The following SAPCD2 variants were observed in gnomAD, a reference collection of about 807,000 sequenced individuals.
SAPCD2 encodes the protein suppressor APC domain-containing protein 2.
Under a neutral mutation model 37.8 loss-of-function variants are expected in SAPCD2, and 34 were observed. That is an observed-to-expected ratio of 0.90 (90% confidence interval 0.68 to 1.20). SAPCD2 has a LOEUF of 1.20. SAPCD2 is among the 50% of genes most tolerant of loss of function. The probability of loss-of-function intolerance (pLI) is 0.00; values close to 1 mark genes in which losing one functional copy is unlikely to be tolerated. For missense variants in SAPCD2, 572 were observed against 584.7 expected, an observed-to-expected ratio of 0.98 and a Z score of 0.22; for synonymous variants, 275 against 270.3, an observed-to-expected ratio of 1.02 and a Z score of -0.17.
intron 1 of SAPCD2, among the ~76,000 whole-genome samples, chr9:137,067,774 CAAAAAAAA>C (rs36035728): frequency 4.5e-4 from 20 of 44,678 alleles, no homozygotes; most frequent in South Asian, 1.4e-3. Flanking sequence ...GACTCCATCT[CAAAAAAAA>C]AAAAAAAAAA....
In SAPCD2 at chr9:137,070,529, C is replaced by G. The variant is rs965356311; in HGVS notation, c.-69G>C. ...GCGCGGCCCCACGGAGGGGCCGGCC[C>G]GGCGAGCTCAGCCCACGGCGACAAT... On this transcript the variant is annotated 5_prime_UTR_variant, in exon 1 of 6. Transcript: ENST00000409687. The G allele has an allele frequency of 9.7e-7, 1 of 1,031,022 alleles. No individual in the cohort carries two copies. The highest frequency in any genetic ancestry group is 3.6e-5 in the East Asian group (1 of 27,556). The allele number at this position is 1,031,022 out of a possible 1,614,324, so 63.9% of individuals were successfully genotyped here.
Position 137,065,545 on chromosome 9 carries a change from G to T in SAPCD2, c.808C>A (p.Leu270Met). The change falls in exon 3 of 6, where the codon CTG (leucine) becomes ATG (methionine). Residue 270 changes from leucine to methionine, a missense_variant. Physicochemically the swap from Leu to Met is conservative, Grantham distance 15. Transcript: ENST00000409687. The stretch of plus-strand genomic sequence containing the variant: ...ACGGCGCTGGCTCTGCTCTGGCCCA[G>T]GCGGCGCTGGCGCTCCTGCACTCGT... ...LQRVQERQRR[L>M]GQSRASADFG... is the part of the protein sequence containing the mutation. 1 of 1,606,268 alleles carries T rather than the reference G, an allele frequency of 6.2e-7. No individual in the cohort carries two copies. The highest frequency in any genetic ancestry group is 8.5e-7 in the Non-Finnish European group (1 of 1,175,934).
intron 1 of SAPCD2, among the ~76,000 whole-genome samples, chr9:137,067,535 G>C (rs1203994124): frequency 1.3e-5 from 2 of 150,664 alleles, no homozygotes; most frequent in Non-Finnish European, 3.0e-5. Context: ...ACTTTGGGAA[G>C]CTGGGGCGGG....
At chr9:137,065,409 G>T in intron 3 of SAPCD2, 113 bp downstream of exon 3, 1 of 1,302,354 alleles carries the variant, frequency 7.7e-7, no homozygotes, top group Non-Finnish European at 1.0e-6. Context: ...CATCCTGGGT[G>T]GAATCGACAG....
chr9:137,064,994 G>C lies in SAPCD2; in HGVS notation c.940-15C>G, dbSNP rs1245807752. On this transcript the variant is annotated splice_polypyrimidine_tract_variant and intron_variant, in intron 4 of 5. Transcript: ENST00000409687. ...GGGGGCAGGGCCTGCGGGAGGGCAGGATTAGGCAGGCCTGGACGAGGGCGG... is the reference window on the plus strand; with the variant it reads ...GGGGGCAGGGCCTGCGGGAGGGCAGCATTAGGCAGGCCTGGACGAGGGCGG... 2 of 1,499,246 alleles carry C rather than the reference G, an allele frequency of 1.3e-6. No homozygotes were observed. The highest frequency in any genetic ancestry group is 4.0e-5 in the Admixed American group (2 of 50,472). The allele number at this position is 1,499,246 out of a possible 1,614,324, so 92.9% of individuals were successfully genotyped here.
At position 137,065,125 on chromosome 9, in the gene SAPCD2, C is replaced by T; in HGVS notation, c.892G>A (p.Val298Met). The change falls in exon 4 of 6, where the codon GTG becomes ATG. Residue 298 changes from valine (V) to methionine (M), a missense_variant. Physicochemically the swap from Val to Met is conservative, Grantham distance 21 (BLOSUM62 1). Transcript: ENST00000409687. The stretch of plus-strand genomic sequence containing the variant: ...AGCAGCTCCCCCAGGCACCGGGCCA[C>T]CTCTTGTACCTTGGGCAGTAGCCGC... ...LGRLLPKVQEVARCLGELLAA... is the reference protein window; with the variant it reads ...LGRLLPKVQEMARCLGELLAA... 1 of 1,541,134 alleles carries T rather than the reference C, an allele frequency of 6.5e-7. No homozygotes were observed. Among genetic ancestry groups the T allele is most frequent in the Non-Finnish European group, 8.7e-7 (1 of 1,144,226 alleles).
intron 1 of SAPCD2, among the ~76,000 whole-genome samples, chr9:137,067,774 CAAAAAAAAAA>C (rs36035728): frequency 1.6e-4 from 7 of 44,646 alleles, no homozygotes; most frequent in Admixed American, 3.7e-4. Flanking sequence ...GACTCCATCT[CAAAAAAAAAA>C]AAAAAAAAAA....
At chr9:137,069,628 C>T (rs544401327) in intron 1 of SAPCD2, among the ~76,000 whole-genome samples, 1 of 152,330 alleles carries the variant, frequency 6.6e-6, no homozygotes, top group Admixed American at 6.5e-5. Context: ...TCACCTGCCA[C>T]CCCCCGGCCC....
intron 2 of SAPCD2, 98 bp from the exon 3 acceptor site, chr9:137,065,766 G>T: frequency 7.0e-7 from 1 of 1,418,538 alleles, no homozygotes; most frequent in Non-Finnish European, 9.6e-7. Context: ...CAGAGCCACA[G>T]ACACAAATGC....
chr9:137,064,344 G>A lies in SAPCD2; in HGVS notation c.*315C>T. The A allele has an allele frequency of 2.3e-6, 1 of 426,330 alleles. No homozygotes were observed. The highest frequency in any genetic ancestry group is 4.3e-6 in the Non-Finnish European group (1 of 234,028). 26.4% of individuals were successfully genotyped at this position (426,330 alleles called of 1,614,324 possible). ...CCAGGGCGGCACCGCTGGAAACGGG[G>A]GGACGCTAACTCATGGAGGGGTACC... On this transcript the variant is annotated 3_prime_UTR_variant, in exon 6 of 6. Coordinates refer to ENST00000409687, the MANE Select transcript of SAPCD2 (RefSeq NM_178448.4).
At chr9:137,065,047 G>A (rs780508397) in intron 4 of SAPCD2, 31 bp downstream of exon 4, 1 of 1,498,108 alleles carries the variant, frequency 6.7e-7, no homozygotes. Flanking sequence ...CTGGGCCCCA[G>A]CGTGGGTGTG....
At position 137,062,608 on chromosome 9, in the gene SAPCD2, T is replaced by G. The variant is rs963898607; in HGVS notation, c.*2051A>C. On this transcript the variant is annotated 3_prime_UTR_variant, in exon 6 of 6. Transcript: ENST00000409687. ...TGTACCTGCACACGCTACTGGCACC[T>G]CGCGGATAGAGCCCAGGGACGCTGC... 3.9e-5 allele frequency: 6 copies of G among 152,172 alleles called. No individual in the cohort carries two copies. Among genetic ancestry groups the G allele is most frequent in the African/African-American group, 1.4e-4 (6 of 41,438 alleles). The allele number at this position is 152,172 out of a possible 1,614,324, so 9.4% of individuals were successfully genotyped here.
chr9:137,065,505 A>G lies in SAPCD2; in HGVS notation c.831+17T>C. On this transcript the variant is annotated intron_variant, in intron 3 of 5. Transcript: ENST00000409687. ...TCCCCATGTGTGGGGATCTGGGGAC[A>G]GGGCTGTGGCACTCACGGCGCTGGC... 5.7e-6 allele frequency: 9 copies of G among 1,579,720 alleles called. No homozygotes were observed. Among genetic ancestry groups the G allele is most frequent in the Non-Finnish European group, 7.8e-6 (9 of 1,159,914 alleles).
intron 3 of SAPCD2, 27 bp from the exon 4 acceptor site, chr9:137,065,212 T>C (rs140069694): frequency 0.012 from 16,973 of 1,411,194 alleles, 135 homozygotes; most frequent in Non-Finnish European, 0.015. Context: ...GGACAAGCGG[T>C]CAGAGAGGAG....
intron 1 of SAPCD2, among the ~76,000 whole-genome samples, chr9:137,069,118 T>A (rs1456381319): frequency 6.6e-6 from 1 of 152,224 alleles, no homozygotes; most frequent in Admixed American, 6.5e-5. Flanking sequence ...CTGGGGCCCC[T>A]CTGGGAGCTT....
rs1832489974 is a variant in SAPCD2 at position 137,063,436 on chromosome 9, G to C, written c.*1223C>G. The C allele has an allele frequency of 6.6e-6, 1 of 152,174 alleles. No individual in the cohort carries two copies. Among genetic ancestry groups the C allele is most frequent in the African/African-American group, 2.4e-5 (1 of 41,418 alleles). The allele number at this position is 152,174 out of a possible 1,614,324, so 9.4% of individuals were successfully genotyped here. Reference sequence around the variant, plus strand: ...GTGTACCAAAGTGCCCTGGACACGAGGGGGCCCTGCGCCCCCCACGCACTG... The same window carrying C: ...GTGTACCAAAGTGCCCTGGACACGACGGGGCCCTGCGCCCCCCACGCACTG... On this transcript the variant is annotated 3_prime_UTR_variant, in exon 6 of 6. Transcript: ENST00000409687.
chr9:137,068,353 C>T (rs887836706), intron 1 of SAPCD2, among the ~76,000 whole-genome samples: 2 of 152,218 alleles, frequency 1.3e-5, no homozygotes, highest in Admixed American at 6.5e-5. Context: ...CAGATAGCAG[C>T]GTGCTGGGTG....
At position 137,065,677 on chromosome 9, in the gene SAPCD2, C is replaced by T. The variant is rs562585030; in HGVS notation, c.685-9G>A. Reference sequence around the variant, plus strand: ...TCCTTCATCTGCTTCAGCTGCAATACGTGCATTTACATGGAATGCCTGGCC... The same window carrying T: ...TCCTTCATCTGCTTCAGCTGCAATATGTGCATTTACATGGAATGCCTGGCC... On this transcript the variant is annotated splice_polypyrimidine_tract_variant and intron_variant, in intron 2 of 5. Coordinates refer to ENST00000409687, the MANE Select transcript of SAPCD2 (RefSeq NM_178448.4). 9 of 1,595,516 alleles carry T rather than the reference C, an allele frequency of 5.6e-6. No homozygotes were observed. Among genetic ancestry groups the T allele is most frequent in the African/African-American group, 5.4e-5 (4 of 74,706 alleles).
At chr9:137,069,418 G>A (rs909139538) in intron 1 of SAPCD2, among the ~76,000 whole-genome samples, 2 of 152,218 alleles carry the variant, frequency 1.3e-5, no homozygotes, top group Non-Finnish European at 2.9e-5. Context: ...GGCCTCAGTG[G>A]GGTCAGTGGG....
Sources: gnomAD v4.1 joint callset for allele counts (sites outside exome capture counted in the v4.1 genomes callset) on GRCh38, gnomAD v4.1.1 for gene constraint, MANE v1.5 for transcripts, NCBI Gene and HGNC (gene_info 2026-07-23, HGNC 2026-07-21) for gene names.